Variants in TRPM3 observed in about 807,000 individuals in gnomAD.
TRPM3 encodes the protein transient receptor potential cation channel subfamily M member 3.
A neutral mutation model predicts 181.2 loss-of-function variants in TRPM3; 77 were observed. The ratio of observed to expected loss-of-function variants is 0.42; its 90% CI spans 0.35 to 0.51. TRPM3 has a LOEUF of 0.51. Among genes scored for constraint, TRPM3 ranks in the 20% least tolerant of loss-of-function variants. The probability of loss-of-function intolerance (pLI) is 0.01; values close to 1 mark genes in which losing one functional copy is unlikely to be tolerated. For synonymous variants in TRPM3, 745 were observed against 796.4 expected (o/e 0.94, Z 1.09); for missense variants, 1,759 against 2,196.7 (o/e 0.80, Z 3.98).
intron 1 of TRPM3, among the ~76,000 whole-genome samples, chr9:71,095,758 C>CAAAAAAAAAAAAAAAAA (rs34934062): frequency 3.5e-5 from 3 of 85,308 alleles, no homozygotes; most frequent in Admixed American, 1.3e-4. Context: ...GACTCTGTGT[C>CAAAAAAAAAAAAAAAAA]AAAAAAAAAA....
At chr9:71,218,237 T>C (rs1326212908) in intron 1 of TRPM3, among the ~76,000 whole-genome samples, 1 of 152,202 alleles carries the variant, frequency 6.6e-6, no homozygotes, top group Non-Finnish European at 1.5e-5. Context: ...TGTCTGTTTA[T>C]TCCTCTTTAT....
chr9:70,917,441 C>A, intron 1 of TRPM3: 1 of 793,504 alleles, frequency 1.3e-6, no homozygotes, highest in Non-Finnish European at 2.2e-6. Context: ...CTCGGCCAGA[C>A]TGGAGTGGAA....
In TRPM3 at chr9:70,536,026, C is replaced by T. The variant is rs150876089; in HGVS notation, c.5087G>A (p.Arg1696Gln). The change falls in exon 26 of 26, where the codon CGA becomes CAA. Residue 1696 changes from arginine to glutamine, a missense_variant. Around this residue, in one of 8 missense-constraint regions of TRPM3, gnomAD observed 612 missense variants for 590.0 expected, o/e 1.04. Coordinates refer to ENST00000677713, the MANE Select transcript of TRPM3 (RefSeq NM_001366145.2). ...TCTCCTCATGGACAGGCTGTCCCCT[C>T]GGCCCTCCGGCTTGGAGGACTTGCT... is the stretch of plus-strand genomic sequence containing the variant. ...QRSKSSKPEGRGDSLSMRRLS... is the reference protein window; with the variant it reads ...QRSKSSKPEGQGDSLSMRRLS... The T allele has an allele frequency of 3.2e-5, 51 of 1,614,056 alleles. No individual in the cohort carries two copies. The African/African-American group carries it at 3.9e-4, about 12-fold the overall frequency.
intron 1 of TRPM3, among the ~76,000 whole-genome samples, chr9:71,349,656 C>T (rs918141501): frequency 2.0e-5 from 3 of 152,106 alleles, no homozygotes; most frequent in Non-Finnish European, 2.9e-5. Context: ...TTTTAAAATA[C>T]GATTACAATC....
At chr9:71,377,619 G>A (rs2092697755) in intron 1 of TRPM3, among the ~76,000 whole-genome samples, 1 of 151,802 alleles carries the variant, frequency 6.6e-6, no homozygotes, top group Admixed American at 6.6e-5. Context: ...TTTATGTAAA[G>A]TTTTATTGAA....
At chr9:70,613,747 C>T (rs1259209430) in intron 18 of TRPM3, among the ~76,000 whole-genome samples, 2 of 152,188 alleles carry the variant, frequency 1.3e-5, no homozygotes, top group East Asian at 3.9e-4. Flanking sequence ...TCTTAGTAAA[C>T]AACGTCAGGG....
At chr9:70,682,378 T>G (rs955205204) in intron 8 of TRPM3, among the ~76,000 whole-genome samples, 3 of 152,130 alleles carry the variant, frequency 2.0e-5, no homozygotes, top group Non-Finnish European at 4.4e-5. Flanking sequence ...TTAATACAAC[T>G]AAGCAATCCA....
intron 6 of TRPM3, among the ~76,000 whole-genome samples, chr9:70,818,403 G>C (rs2092886186): frequency 6.6e-6 from 1 of 152,076 alleles, no homozygotes; most frequent in Non-Finnish European, 1.5e-5. Context: ...TGATATCCTG[G>C]GCAATGCCCT....
intron 8 of TRPM3, among the ~76,000 whole-genome samples, chr9:70,740,543 C>A (rs2073851563): frequency 6.6e-6 from 1 of 152,058 alleles, no homozygotes; most frequent in Non-Finnish European, 1.5e-5. Context: ...GCAAAAAGAA[C>A]AAATCTGGAG....
At chr9:71,346,929 C>A (rs953030790) in intron 1 of TRPM3, among the ~76,000 whole-genome samples, 1 of 152,166 alleles carries the variant, frequency 6.6e-6, no homozygotes, top group African/African-American at 2.4e-5. Flanking sequence ...ATTGCTCTCA[C>A]CACTTAGAAA....
At chr9:71,122,904 ACTATT>A (rs1470963148), upstream of TRPM3, among the ~76,000 whole-genome samples, 1 of 152,222 alleles carries the variant, frequency 6.6e-6, no homozygotes, top group African/African-American at 2.4e-5. Context: ...ATTTTCTGTT[ACTATT>A]CTATTTCCAC....
At chr9:71,174,091 A>G (rs2076993193) in intron 1 of TRPM3, among the ~76,000 whole-genome samples, 2 of 152,240 alleles carry the variant, frequency 1.3e-5, no homozygotes, top group South Asian at 4.1e-4. Context: ...GAGTATTTAT[A>G]TATTTCCTTC....
At chr9:70,770,473 T>A (rs940449096) in intron 7 of TRPM3, among the ~76,000 whole-genome samples, 2 of 152,312 alleles carry the variant, frequency 1.3e-5, no homozygotes, top group East Asian at 1.9e-4. Context: ...TTATATCACA[T>A]AAAAACCAAC....
chr9:71,432,445 T>C (rs1044510213), intron 1 of TRPM3, among the ~76,000 whole-genome samples: 1 of 151,806 alleles, frequency 6.6e-6, no homozygotes, highest in Non-Finnish European at 1.5e-5. Flanking sequence ...TTAGTTACTG[T>C]TACCAGTGCA....
At chr9:70,860,984 T>C (rs1409038300) in intron 3 of TRPM3, among the ~76,000 whole-genome samples, 1 of 152,170 alleles carries the variant, frequency 6.6e-6, no homozygotes, top group African/African-American at 2.4e-5. Context: ...ATATGATGGT[T>C]CTGGGTTAAA....
At chr9:70,738,872 C>T (rs550196714) in intron 8 of TRPM3, among the ~76,000 whole-genome samples, 31 of 152,012 alleles carry the variant, frequency 2.0e-4, no homozygotes, top group African/African-American at 6.5e-4. Context: ...AGCTAGAAAA[C>T]GTGGAGGAGA....
rs534619724 is a variant in TRPM3, at chr9:71,011,820, T to C, written c.177+109358A>G. On this transcript the variant is annotated intron_variant, in intron 1 of 25. Transcript: ENST00000677713. The stretch of plus-strand genomic sequence containing the variant: ...TTTTCAGACAGTATCTTGTTCCTGT[T>C]ATGCAGACTAGAGTGCAGTGATGTG... 9.1e-4 allele frequency among the ~76,000 whole-genome samples: 137 copies of C among 150,428 alleles called. 1 individual carries two copies. The highest frequency in any genetic ancestry group is 3.2e-3 in the African/African-American group (130 of 40,824).
intron 6 of TRPM3, among the ~76,000 whole-genome samples, chr9:70,796,198 C>G (rs1312861647): frequency 6.6e-6 from 1 of 152,176 alleles, no homozygotes; most frequent in Non-Finnish European, 1.5e-5. Context: ...ATAGCCCATA[C>G]AAGTTCCTTG....
chr9:70,630,996 T>G (rs1402625980), intron 12 of TRPM3, among the ~76,000 whole-genome samples: 1 of 152,236 alleles, frequency 6.6e-6, no homozygotes, highest in African/African-American at 2.4e-5. Context: ...TTAGGAAAAC[T>G]GTCTTCCTTT....
Sources: gnomAD v4.1 joint callset for allele counts (sites outside exome capture counted in the v4.1 genomes callset) on GRCh38, gnomAD v4.1.1 for gene constraint, gnomAD v4.1.1 regional missense constraint, MANE v1.5 for transcripts, NCBI Gene and HGNC (gene_info 2026-07-23, HGNC 2026-07-21) for gene names.